FOXN3: variants seen among roughly 807,000 people sequenced by gnomAD.
The protein encoded by FOXN3 is forkhead box protein N3.
A neutral mutation model predicts 38.4 loss-of-function variants in FOXN3; 7 were observed. That is an observed-to-expected ratio of 0.18 (90% CI 0.10 to 0.34). The LOEUF (loss-of-function observed/expected upper bound fraction) is 0.34. FOXN3 is among the 10% of genes least tolerant of loss of function. FOXN3 has a pLI of 1.00. For missense variants in FOXN3, 456 were observed against 613.4 expected (o/e 0.74, Z 2.71); for synonymous variants, 230 against 242.2 (o/e 0.95, Z 0.47).
At chr14:89,262,456 A>C (rs1431040497) in intron 4 of FOXN3, among the ~76,000 whole-genome samples, 1 of 152,254 alleles carries the variant, frequency 6.6e-6, no homozygotes. Context: ...TGTTCCAAGA[A>C]AACAAGCTTT....
intron 1 of FOXN3, among the ~76,000 whole-genome samples, chr14:89,447,519 C>T (rs1387185214): frequency 6.6e-6 from 1 of 152,110 alleles, no homozygotes. Context: ...GAACTTTCAC[C>T]AGCCCTCCCT....
At position 89,511,193 on chromosome 14, in the gene FOXN3, T is replaced by TTTCTTTC. The variant is rs1566681007; in HGVS notation, c.-14-98704_-14-98703insGAAAGAA. On this transcript the variant is annotated intron_variant, in intron 1 of 6. Transcript: ENST00000345097. ...TCTTTCTTTCTTTCTTTCTTTCTTT[T>TTTCTTTC]CTTTCTTTCTTTTCTTTCTTTCTTT... Among the ~76,000 whole-genome samples, 8 of 15,890 alleles carry TTTCTTTC rather than the reference T, an allele frequency of 5.0e-4. 2 individuals are homozygous for TTTCTTTC. Among genetic ancestry groups the TTTCTTTC allele is most frequent in the East Asian group, 4.5e-3 (8 of 1,786 alleles). 10.4% of individuals were successfully genotyped at this position (15,890 alleles called of 152,430 possible).
intron 5 of FOXN3, among the ~76,000 whole-genome samples, chr14:89,174,813 T>C (rs1887479527): frequency 6.6e-6 from 1 of 152,198 alleles, no homozygotes; most frequent in South Asian, 2.1e-4. Context: ...AACCTAGCTC[T>C]TTAGTATTTT....
rs369270997 is a variant in FOXN3 at position 89,454,121 on chromosome 14, T to A, written c.-14-41631A>T. On this transcript the variant is annotated intron_variant, in intron 1 of 6. Transcript: ENST00000345097. ...GAGTTTGAGACCAGCCTGGCCAACATGGCGAAACCCTGTCTCTTCTAAAAA... is the reference window on the plus strand; with the variant it reads ...GAGTTTGAGACCAGCCTGGCCAACAAGGCGAAACCCTGTCTCTTCTAAAAA... 5.9e-5 allele frequency among the ~76,000 whole-genome samples: 9 copies of A among 152,252 alleles called. No individual in the cohort carries two copies. In the East Asian group the frequency reaches 1.4e-3, roughly 23 times the overall value.
At chr14:89,518,849 T>C (rs1894261858) in intron 1 of FOXN3, among the ~76,000 whole-genome samples, 1 of 152,068 alleles carries the variant, frequency 6.6e-6, no homozygotes, top group Admixed American at 6.5e-5. Context: ...ACCCCATCTC[T>C]ACTAAAAATT....
At chr14:89,481,731 T>C (rs1893334554) in intron 1 of FOXN3, among the ~76,000 whole-genome samples, 1 of 152,160 alleles carries the variant, frequency 6.6e-6, no homozygotes, top group Admixed American at 6.5e-5. Context: ...GCAGTCTTAT[T>C]TTGGGGATTA....
At chr14:89,280,120 A>G (rs1886414751) in intron 4 of FOXN3, among the ~76,000 whole-genome samples, 2 of 152,232 alleles carry the variant, frequency 1.3e-5, no homozygotes, top group Non-Finnish European at 2.9e-5. Context: ...GCCAATCAAC[A>G]GAAGTAGGAG....
chr14:89,296,241 A>G (rs1266918171), intron 3 of FOXN3, among the ~76,000 whole-genome samples: 3 of 152,230 alleles, frequency 2.0e-5, no homozygotes, highest in African/African-American at 7.2e-5. Context: ...TCTCATGAAC[A>G]GATGCAAAGG....
At chr14:89,511,140 CT>C (rs61532772) in intron 1 of FOXN3, among the ~76,000 whole-genome samples, 25,940 of 42,616 alleles carry the variant, frequency 0.61, 11,048 homozygotes, top group Non-Finnish European at 0.82. Flanking sequence ...TTCTTTCTTT[CT>C]TTTCTTTCTT....
intron 1 of FOXN3, among the ~76,000 whole-genome samples, chr14:89,585,161 A>G (rs1415510300): frequency 6.6e-6 from 1 of 152,186 alleles, no homozygotes; most frequent in Non-Finnish European, 1.5e-5. Flanking sequence ...ACTTTCCTCT[A>G]TAATTTTGCT....
At chr14:89,363,935 C>A (rs72701692) in intron 2 of FOXN3, among the ~76,000 whole-genome samples, 23,203 of 131,412 alleles carry the variant, frequency 0.18, 2,290 homozygotes, top group African/African-American at 0.28. Context: ...CTGAGCAAGA[C>A]CCTGTCTGTA....
chr14:89,191,634 G>A (rs568316754), intron 4 of FOXN3, among the ~76,000 whole-genome samples: 17 of 151,586 alleles, frequency 1.1e-4, no homozygotes, highest in Middle Eastern at 6.8e-3. Flanking sequence ...GTTTAAAAAA[G>A]TACATTTTTC....
chr14:89,171,680 A>C (rs548246966), intron 5 of FOXN3, among the ~76,000 whole-genome samples: 2 of 152,340 alleles, frequency 1.3e-5, no homozygotes, highest in Non-Finnish European at 2.9e-5. Flanking sequence ...TTTTTTTATG[A>C]AACTCAATAA....
At chr14:89,518,972 A>G (rs566887511) in intron 1 of FOXN3, among the ~76,000 whole-genome samples, 2 of 152,140 alleles carry the variant, frequency 1.3e-5, no homozygotes, top group East Asian at 3.9e-4. Context: ...CCGAGATCAT[A>G]CCACTGCACT....
intron 2 of FOXN3, among the ~76,000 whole-genome samples, chr14:89,378,651 T>C (rs995518174): frequency 1.3e-5 from 2 of 151,198 alleles, no homozygotes; most frequent in Non-Finnish European, 1.5e-5. Context: ...AAATAAAAAC[T>C]AGGAAGAAAG....
chr14:89,498,837 A>C (rs1893740827), intron 1 of FOXN3, among the ~76,000 whole-genome samples: 1 of 150,480 alleles, frequency 6.6e-6, no homozygotes, highest in African/African-American at 2.5e-5. Flanking sequence ...GGGTGGGGGG[A>C]ACTGGGTGCT....
chr14:89,355,691 T>C lies in FOXN3; in HGVS notation c.544-4883A>G, dbSNP rs112518428. 3.9e-3 allele frequency among the ~76,000 whole-genome samples: 587 copies of C among 152,298 alleles called. 6 individuals carry two copies. The Middle Eastern group carries it at 0.041, about 11-fold the overall frequency. On this transcript the variant is annotated intron_variant, in intron 2 of 5. Coordinates refer to ENST00000557258, the MANE Select transcript of FOXN3 (RefSeq NM_005197.4). ...ACTACCATATATCTGCAGTAACATATAGTGAAATTTGTATTTGCATAGTTG... is the reference window on the plus strand; with the variant it reads ...ACTACCATATATCTGCAGTAACATACAGTGAAATTTGTATTTGCATAGTTG...
intron 4 of FOXN3, among the ~76,000 whole-genome samples, chr14:89,224,945 G>GT (rs1566933288): frequency 2.0e-5 from 3 of 148,930 alleles, no homozygotes; most frequent in African/African-American, 7.4e-5. Flanking sequence ...CCTGGCCAAC[G>GT]TGGTGAAACC....
intron 4 of FOXN3, among the ~76,000 whole-genome samples, chr14:89,222,308 G>A (rs968577711): frequency 4.6e-5 from 7 of 152,090 alleles, no homozygotes; most frequent in Admixed American, 6.5e-5. Flanking sequence ...ATCTGTCAGC[G>A]TTGCCTGGTC....
Sources: allele counts gnomAD v4.1 joint callset (sites outside exome capture counted in the v4.1 genomes callset), GRCh38; gene constraint gnomAD v4.1.1; transcripts MANE v1.5; gene names NCBI Gene and HGNC (gene_info 2026-07-23, HGNC 2026-07-21).